HOXC4: variants seen among roughly 807,000 people sequenced by gnomAD.
HOXC4 encodes homeobox C4, also known as homeobox protein Hox-C4.
In HOXC4, 15 loss-of-function variants were observed where a neutral mutation model predicts 25.5. The observed-to-expected ratio is 0.59, with a 90% confidence interval of 0.39 to 0.91. The LOEUF is 0.91. HOXC4 is among the 40% of genes least tolerant of loss of function. HOXC4 has a pLI of 0.00. For missense variants in HOXC4, 342 were observed against 352.4 expected, an observed-to-expected ratio of 0.97 and a Z score of 0.24; for synonymous variants, 165 against 148.0, an observed-to-expected ratio of 1.11 and a Z score of -0.83.
chr12:54,039,526 C>T (rs1362361268), intron 1 of HOXC4, among the ~76,000 whole-genome samples: 1 of 152,014 alleles, frequency 6.6e-6, no homozygotes, highest in East Asian at 1.9e-4. Context: ...CCACCCTCCT[C>T]CCTGATACCT....
chr12:54,017,693 G>A (rs1425121480), intron 1 of HOXC4, among the ~76,000 whole-genome samples: 1 of 152,090 alleles, frequency 6.6e-6, no homozygotes, highest in East Asian at 1.9e-4. Context: ...TCAAGCCGGC[G>A]GTCTAGGGCG....
chr12:54,047,105 G>A (rs1031823726), intron 1 of HOXC4, among the ~76,000 whole-genome samples: 1 of 152,156 alleles, frequency 6.6e-6, no homozygotes, highest in African/African-American at 2.4e-5. Flanking sequence ...AGGTGTTTGA[G>A]GCGAAGGGGC....
chr12:54,022,564 C>T (rs540639610), intron 1 of HOXC4: 1 of 152,182 alleles, frequency 6.6e-6, no homozygotes, highest in Admixed American at 6.5e-5. Context: ...TTCAGATCTG[C>T]AAACAATAAA....
intron 1 of HOXC4, among the ~76,000 whole-genome samples, chr12:54,032,273 C>G (rs147206160): frequency 7.2e-5 from 11 of 152,314 alleles, no homozygotes; most frequent in African/African-American, 2.6e-4. Context: ...CTGCAACACC[C>G]TCAGCTTCAT....
chr12:54,033,816 G>A (rs117604388), intron 1 of HOXC4: 172 of 565,862 alleles, frequency 3.0e-4, no homozygotes, highest in Non-Finnish European at 5.2e-4. Flanking sequence ...GAGAGGGAGG[G>A]AGTTAAAAAA....
At chr12:54,033,641 A>G in intron 1 of HOXC4, 1 of 1,335,892 alleles carries the variant, frequency 7.5e-7, no homozygotes, top group Non-Finnish European at 9.9e-7. Context: ...ATGCGGGGCA[A>G]ATAAAGAAAA....
rs1344268014 is a variant in HOXC4, at chr12:54,038,612, G to A, written c.-123-14548G>A. ...CCTCACTACCAGGCTTGGATGGGCA[G>A]CTGTCTCAGCCTCCGTAGTTTGGCA... On this transcript the variant is annotated intron_variant, in intron 1 of 3. Coordinates refer to the HOXC4 transcript ENST00000303406. Among the ~76,000 whole-genome samples, 3 of 152,318 alleles carry A rather than the reference G, an allele frequency of 2.0e-5. No homozygotes were observed. In the East Asian group the frequency reaches 5.8e-4, roughly 29 times the overall value.
At chr12:54,048,705 G>T (rs1457013086) in intron 1 of HOXC4, among the ~76,000 whole-genome samples, 1 of 152,066 alleles carries the variant, frequency 6.6e-6, no homozygotes, top group Non-Finnish European at 1.5e-5. Context: ...TGGGTCTCTG[G>T]CAGTTCAGAG....
intron 1 of HOXC4, among the ~76,000 whole-genome samples, chr12:54,026,937 C>T (rs1940731648): frequency 2.3e-5 from 3 of 127,704 alleles, no homozygotes; most frequent in Non-Finnish European, 5.0e-5. Context: ...AGCCAGCTTT[C>T]CCCCCCCCCA....
upstream of HOXC4, among the ~76,000 whole-genome samples, chr12:54,049,759 C>T (rs988579929): frequency 1.6e-3 from 210 of 133,740 alleles, no homozygotes; most frequent in African/African-American, 5.1e-3. Flanking sequence ...CACACACACA[C>T]ACACACACAC....
chr12:54,020,156 G>A (rs1456271305), intron 1 of HOXC4: 1 of 152,252 alleles, frequency 6.6e-6, no homozygotes, highest in South Asian at 2.1e-4. Flanking sequence ...TGCTGACGTG[G>A]TCCTTCCTGC....
At chr12:54,046,051 C>G (rs1937697652) in intron 1 of HOXC4, among the ~76,000 whole-genome samples, 1 of 152,180 alleles carries the variant, frequency 6.6e-6, no homozygotes, top group Admixed American at 6.5e-5. Context: ...CCTACACCCC[C>G]CACTGGGCCT....
intron 1 of HOXC4, chr12:54,034,837 C>T: frequency 3.2e-6 from 1 of 313,714 alleles, no homozygotes; most frequent in South Asian, 3.4e-5. Context: ...CTCAGCGCGG[C>T]CCTCCCGAGT....
chr12:54,019,754 G>C (rs941727687), intron 1 of HOXC4, among the ~76,000 whole-genome samples: 37 of 152,134 alleles, frequency 2.4e-4, no homozygotes, highest in African/African-American at 8.0e-4. Context: ...CCCACAGCGA[G>C]ATTTGGAGGT....
chr12:54,028,484 T>G lies in HOXC4; in HGVS notation c.-124+11070T>G, dbSNP rs200476091. On this transcript the variant is annotated intron_variant, in intron 1 of 3. Transcript: ENST00000303406. ...TACAAACTGGAGACAGAAATAAATA[T>G]TAAAGAAATCATAGACCGACCAGGT... The G allele has an allele frequency of 1.4e-5, 22 of 1,588,276 alleles. No individual in the cohort carries two copies. The Admixed American group carries it at 1.4e-4, about 10-fold the overall frequency.
At chr12:54,025,418 G>A (rs1046807628) in intron 1 of HOXC4, among the ~76,000 whole-genome samples, 1 of 151,610 alleles carries the variant, frequency 6.6e-6, no homozygotes, top group Non-Finnish European at 1.5e-5. Flanking sequence ...GGGCTCATCT[G>A]ACCTGCTCTC....
At chr12:54,034,422 A>C (rs1435050782) in intron 1 of HOXC4, 1 of 1,614,272 alleles carries the variant, frequency 6.2e-7, no homozygotes, top group South Asian at 1.1e-5. Flanking sequence ...AGACAGATCA[A>C]GATCTGGTTC....
In HOXC4 at chr12:54,054,844, C is replaced by T; in HGVS notation, c.440-6C>T. On this transcript the variant is annotated splice_polypyrimidine_tract_variant and splice_region_variant and intron_variant, in intron 1 of 1. Coordinates refer to ENST00000430889, the MANE Select transcript of HOXC4 (RefSeq NM_153633.3). ...ACCCCACTATTTGCTTTTCCCCTCC[C>T]CCCAGTGAACCCCAATTATAACGGA... 1 of 1,594,804 alleles carries T rather than the reference C, an allele frequency of 6.3e-7. No individual in the cohort carries two copies. Among genetic ancestry groups the T allele is most frequent in the Non-Finnish European group, 8.6e-7 (1 of 1,165,402 alleles).
At chr12:54,045,241 T>C (rs1398615779) in intron 1 of HOXC4, among the ~76,000 whole-genome samples, 1 of 152,260 alleles carries the variant, frequency 6.6e-6, no homozygotes, top group African/African-American at 2.4e-5. Flanking sequence ...GATCGTTCTA[T>C]GTCTATATCA....
Sources: gnomAD v4.1 joint callset for allele counts (sites outside exome capture counted in the v4.1 genomes callset) on GRCh38, gnomAD v4.1.1 for gene constraint, MANE v1.5 for transcripts, NCBI Gene and HGNC (gene_info 2026-07-23, HGNC 2026-07-21) for gene names.